The following KSR2 variants were observed in gnomAD, a reference collection of about 807,000 sequenced individuals.
KSR2 encodes the protein kinase suppressor of ras 2.
In KSR2, 25 loss-of-function variants were observed where a neutral mutation model predicts 107.8. The observed-to-expected ratio is 0.23, with a 90% confidence interval of 0.17 to 0.32. KSR2 has a LOEUF of 0.32. Ranked by LOEUF, KSR2 falls within the 10% of genes least tolerant of loss-of-function variation. KSR2 has a pLI of 1.00. For synonymous variants in KSR2, 480 were observed against 507.0 expected, an observed-to-expected ratio of 0.95 and a Z score of 0.71; for missense variants, 887 against 1,268.9, an observed-to-expected ratio of 0.70 and a Z score of 4.57.
chr12:117,468,523 A>C (rs192879396), intron 19 of KSR2, among the ~76,000 whole-genome samples: 1 of 150,294 alleles, frequency 6.7e-6, no homozygotes, highest in Non-Finnish European at 1.5e-5. Context: ...GAAGGGAGTA[A>C]AAAAAGAGCC....
At chr12:117,627,577 G>A (rs1249412978) in intron 5 of KSR2, among the ~76,000 whole-genome samples, 1 of 152,172 alleles carries the variant, frequency 6.6e-6, no homozygotes, top group Non-Finnish European at 1.5e-5. Context: ...TCCACTGTTA[G>A]TCTGATGGGC....
intron 1 of KSR2, among the ~76,000 whole-genome samples, chr12:117,931,810 G>C (rs995623340): frequency 1.3e-5 from 2 of 152,166 alleles, no homozygotes; most frequent in Admixed American, 1.3e-4. Flanking sequence ...TAACTGCAAT[G>C]GTTAACATTG....
chr12:117,558,755 TG>T (rs1877890459), intron 7 of KSR2, among the ~76,000 whole-genome samples, 182 bp from the exon 8 acceptor site: 1 of 115,346 alleles, frequency 8.7e-6, no homozygotes, highest in African/African-American at 3.5e-5. Context: ...CACGGATGGA[TG>T]GGTAGGTGGA....
chr12:117,751,201 C>T lies in KSR2; in HGVS notation c.986+9810G>A, dbSNP rs58557390. 9.0e-3 allele frequency among the ~76,000 whole-genome samples: 1,371 copies of T among 152,182 alleles called. 17 individuals carry two copies. Among genetic ancestry groups the T allele is most frequent in the African/African-American group, 0.032 (1,323 of 41,522 alleles). On this transcript the variant is annotated intron_variant, in intron 4 of 19. Coordinates refer to ENST00000339824, the MANE Select transcript of KSR2 (RefSeq NM_173598.6). ...TTTGCTCTGCACTTCTCCTTGCTGCCGCCATGTGAAGAAGGATGTTTGCTT... is the reference window on the plus strand; with the variant it reads ...TTTGCTCTGCACTTCTCCTTGCTGCTGCCATGTGAAGAAGGATGTTTGCTT...
intron 1 of KSR2, among the ~76,000 whole-genome samples, chr12:117,917,082 A>C (rs1029631676): frequency 2.6e-5 from 4 of 152,196 alleles, no homozygotes; most frequent in Non-Finnish European, 5.9e-5. Flanking sequence ...ATGAGATGCT[A>C]GTAGCACACC....
intron 5 of KSR2, among the ~76,000 whole-genome samples, chr12:117,622,538 G>A (rs937215724): frequency 6.6e-6 from 1 of 151,914 alleles, no homozygotes; most frequent in African/African-American, 2.4e-5. Flanking sequence ...TGGAAGACAA[G>A]GTCAAGCAGG....
chr12:117,689,103 C>T (rs1885712220), intron 4 of KSR2, among the ~76,000 whole-genome samples: 1 of 152,148 alleles, frequency 6.6e-6, no homozygotes, highest in Admixed American at 6.5e-5. Context: ...TACCAACATA[C>T]AATGAATATG....
At chr12:117,571,524 G>C (rs577047187) in intron 7 of KSR2, among the ~76,000 whole-genome samples, 3 of 152,292 alleles carry the variant, frequency 2.0e-5, no homozygotes, top group African/African-American at 7.2e-5. Context: ...GCAGCTGCAA[G>C]GTACGAGCCA....
At chr12:117,589,016 G>C (rs2136262352) in intron 5 of KSR2, among the ~76,000 whole-genome samples, 2 of 152,308 alleles carry the variant, frequency 1.3e-5, no homozygotes, top group South Asian at 4.1e-4. Context: ...GGAAAGTAAG[G>C]ATAACTAAAT....
chr12:117,899,885 A>G (rs1894630766), intron 1 of KSR2, among the ~76,000 whole-genome samples: 1 of 152,234 alleles, frequency 6.6e-6, no homozygotes, highest in African/African-American at 2.4e-5. Flanking sequence ...ACTTGAGAAG[A>G]CTTCTAGGAC....
At chr12:117,958,582 A>G (rs1364648388) in intron 1 of KSR2, among the ~76,000 whole-genome samples, 1 of 152,194 alleles carries the variant, frequency 6.6e-6, no homozygotes, top group Non-Finnish European at 1.5e-5. Context: ...GCAATTTGGG[A>G]GGCCTAGGCG....
At position 117,959,036 on chromosome 12, in the gene KSR2, G is replaced by C. The variant is rs79895257; in HGVS notation, c.180+9040C>G. Among the ~76,000 whole-genome samples, 726 of 152,216 alleles carry C rather than the reference G, an allele frequency of 4.8e-3. 8 individuals carry two copies. The highest frequency in any genetic ancestry group is 0.016 in the African/African-American group (685 of 41,542). Reference sequence around the variant, plus strand: ...GAAAAGATAAACATCTAAGGTAATGGATAGCCCAGTTACCTGGATTTGATT... The same window carrying C: ...GAAAAGATAAACATCTAAGGTAATGCATAGCCCAGTTACCTGGATTTGATT... On this transcript the variant is annotated intron_variant, in intron 1 of 19. Transcript: ENST00000339824.
At chr12:117,947,190 A>G (rs61328694) in intron 1 of KSR2, among the ~76,000 whole-genome samples, 4 of 93,386 alleles carry the variant, frequency 4.3e-5, no homozygotes, top group East Asian at 2.9e-4. Context: ...AAGAAAGAAA[A>G]GAAAGAAAAG....
rs375101123 is a variant in KSR2, at chr12:117,586,349, G to A, written c.1172-3990C>T. Among the ~76,000 whole-genome samples, 14 of 152,234 alleles carry A rather than the reference G, an allele frequency of 9.2e-5. No individual in the cohort carries two copies. In the East Asian group the frequency reaches 2.7e-3, roughly 29 times the overall value. ...CACCTGTAATCACAATACTTTGGGA[G>A]GCCAAGGCAGGTGGATCACCTGAGG... is the stretch of plus-strand genomic sequence containing the variant. On this transcript the variant is annotated intron_variant, in intron 5 of 19. Transcript: ENST00000339824.
intron 16 of KSR2, among the ~76,000 whole-genome samples, chr12:117,477,502 T>C (rs1871862854): frequency 6.6e-6 from 1 of 151,778 alleles, no homozygotes; most frequent in Non-Finnish European, 1.5e-5. Flanking sequence ...AACAAATGAG[T>C]TCAATAAACA....
rs1039407773 is a variant in KSR2 at position 117,856,879 on chromosome 12, G to T, written c.322-1301C>A. 1.2e-4 allele frequency among the ~76,000 whole-genome samples: 18 copies of T among 152,206 alleles called. No homozygotes were observed. The East Asian group carries it at 3.5e-3, about 29-fold the overall frequency. ...ACTGATAGCCAGAAAGAAGAAAACT[G>T]TCTCAGTACAAAAAATTATCTTCAA... On this transcript the variant is annotated intron_variant, in intron 2 of 19. Transcript: ENST00000339824.
intron 3 of KSR2, among the ~76,000 whole-genome samples, chr12:117,829,559 G>A (rs923848554): frequency 2.0e-5 from 3 of 152,170 alleles, no homozygotes; most frequent in African/African-American, 4.8e-5. Flanking sequence ...ATAAGTACAT[G>A]GGCCTACTTG....
At chr12:117,679,628 G>A (rs764848673) in intron 4 of KSR2, among the ~76,000 whole-genome samples, 2 of 152,096 alleles carry the variant, frequency 1.3e-5, no homozygotes, top group South Asian at 4.2e-4. Flanking sequence ...AATCAGATGT[G>A]GTGAACCAGT....
At chr12:117,849,710 G>C (rs1260246409) in intron 3 of KSR2, among the ~76,000 whole-genome samples, 5 of 152,170 alleles carry the variant, frequency 3.3e-5, no homozygotes, top group African/African-American at 4.8e-5. Context: ...GAAAGAGAGA[G>C]AGACAGACAG....
Sources: allele counts gnomAD v4.1 joint callset (sites outside exome capture counted in the v4.1 genomes callset), GRCh38; gene constraint gnomAD v4.1.1; transcripts MANE v1.5; gene names NCBI Gene and HGNC (gene_info 2026-07-23, HGNC 2026-07-21).